The following EXOC4 variants were observed in gnomAD, a reference collection of about 807,000 sequenced individuals.
EXOC4 encodes SEC8-like 1.
Under a neutral mutation model 107.2 loss-of-function variants are expected in EXOC4, and 71 were observed. The ratio of observed to expected loss-of-function variants is 0.66; its 90% confidence interval spans 0.55 to 0.81. The LOEUF is 0.81. Among genes scored for constraint, EXOC4 ranks in the 30% least tolerant of loss-of-function variants. The pLI, the probability that EXOC4 is intolerant of heterozygous loss-of-function variation, is 0.00. For missense variants in EXOC4, 1,108 were observed against 1,189.6 expected, an observed-to-expected ratio of 0.93 and a Z score of 1.01; for synonymous variants, 456 against 441.2, an observed-to-expected ratio of 1.03 and a Z score of -0.42.
intron 14 of EXOC4, among the ~76,000 whole-genome samples, chr7:133,966,166 A>G (rs1457773725): frequency 6.6e-6 from 1 of 152,218 alleles, no homozygotes; most frequent in Non-Finnish European, 1.5e-5. Flanking sequence ...ATTTTTGCAC[A>G]TTGATTTTTG....
intron 1 of EXOC4, among the ~76,000 whole-genome samples, chr7:133,273,286 A>G (rs1268183062): frequency 6.6e-6 from 1 of 152,192 alleles, no homozygotes; most frequent in Non-Finnish European, 1.5e-5. Context: ...TTTGAAGCCC[A>G]GTTTCGTTTA....
intron 1 of EXOC4, 61 bp downstream of exon 1, chr7:133,253,248 A>G: frequency 2.5e-6 from 4 of 1,579,612 alleles, no homozygotes; most frequent in Non-Finnish European, 3.5e-6. Context: ...TCCGCTTTGG[A>G]AGGGAGAAGG....
At chr7:133,866,925 C>T (rs1326170020) in intron 11 of EXOC4, among the ~76,000 whole-genome samples, 1 of 152,208 alleles carries the variant, frequency 6.6e-6, no homozygotes, top group Non-Finnish European at 1.5e-5. Context: ...CGCATGCCCT[C>T]TCTCCTGAAA....
intron 11 of EXOC4, among the ~76,000 whole-genome samples, chr7:133,874,871 A>G (rs1335054268): frequency 1.3e-5 from 2 of 152,234 alleles, no homozygotes; most frequent in African/African-American, 4.8e-5. Flanking sequence ...AGCAAAAGGA[A>G]TAGTAAAGGT....
intron 5 of EXOC4, among the ~76,000 whole-genome samples, chr7:133,338,790 G>T (rs1355925116): frequency 8.4e-6 from 1 of 118,882 alleles, no homozygotes; most frequent in East Asian, 2.8e-4. Context: ...TTTTGCTCTC[G>T]TTGCCCAGGC....
chr7:133,575,772 A>G (rs1229327854), intron 9 of EXOC4, among the ~76,000 whole-genome samples: 1 of 152,152 alleles, frequency 6.6e-6, no homozygotes, highest in Non-Finnish European at 1.5e-5. Context: ...TGGTTATAAC[A>G]TTTCTCTGAT....
intron 10 of EXOC4, among the ~76,000 whole-genome samples, chr7:133,684,016 T>G (rs1210081271): frequency 6.6e-6 from 1 of 152,180 alleles, no homozygotes. Context: ...CCTATATGAT[T>G]TAGAAAGCTA....
chr7:133,821,885 A>G (rs1797530216), intron 11 of EXOC4, among the ~76,000 whole-genome samples: 1 of 152,218 alleles, frequency 6.6e-6, no homozygotes, highest in Admixed American at 6.5e-5. Flanking sequence ...GAGTGAATGA[A>G]AATGAATGAA....
intron 10 of EXOC4, among the ~76,000 whole-genome samples, chr7:133,759,144 A>ATTTTTTTTTTT (rs34768347): frequency 2.1e-5 from 3 of 140,632 alleles, no homozygotes; most frequent in Non-Finnish European, 1.5e-5. Flanking sequence ...CAACAAAAGA[A>ATTTTTTTTTTT]TTTTTTTTTT....
intron 10 of EXOC4, among the ~76,000 whole-genome samples, chr7:133,659,405 T>A (rs1307461365): frequency 6.6e-6 from 1 of 152,166 alleles, no homozygotes; most frequent in African/African-American, 2.4e-5. Flanking sequence ...AAATATATAC[T>A]AAGGATGCTC....
intron 10 of EXOC4, among the ~76,000 whole-genome samples, chr7:133,661,237 C>T (rs770440232): frequency 6.6e-6 from 1 of 152,018 alleles, no homozygotes; most frequent in Non-Finnish European, 1.5e-5. Flanking sequence ...TGTATATGTG[C>T]CGAGGCTCTG....
intron 10 of EXOC4, among the ~76,000 whole-genome samples, chr7:133,796,561 C>T (rs1796819721): frequency 6.6e-6 from 1 of 152,082 alleles, no homozygotes; most frequent in South Asian, 2.1e-4. Context: ...AGATCGAGAC[C>T]ATCCTGGCCA....
At chr7:133,686,394 A>G (rs889855651) in intron 10 of EXOC4, among the ~76,000 whole-genome samples, 14 of 152,120 alleles carry the variant, frequency 9.2e-5, no homozygotes, top group Non-Finnish European at 2.1e-4. Flanking sequence ...TCTACTGTTA[A>G]TGAAAACCCG....
chr7:133,638,656 TC>T (rs1376707318), intron 10 of EXOC4, among the ~76,000 whole-genome samples: 2 of 152,184 alleles, frequency 1.3e-5, no homozygotes, highest in Non-Finnish European at 2.9e-5. Flanking sequence ...TTTTTCTTTT[TC>T]CTTTTCATGT....
intron 9 of EXOC4, among the ~76,000 whole-genome samples, chr7:133,485,473 C>T (rs913836880): frequency 6.6e-5 from 10 of 152,022 alleles, no homozygotes; most frequent in African/African-American, 1.9e-4. Flanking sequence ...ACTCAGTGCC[C>T]GAGCACAGCT....
chr7:133,590,520 C>A (rs1171192285), intron 9 of EXOC4, among the ~76,000 whole-genome samples: 1 of 152,136 alleles, frequency 6.6e-6, no homozygotes. Context: ...TCTGCCCCAT[C>A]CTGTACCCAT....
intron 9 of EXOC4, among the ~76,000 whole-genome samples, chr7:133,580,343 C>A (rs892922808): frequency 6.6e-6 from 1 of 152,074 alleles, no homozygotes; most frequent in African/African-American, 2.4e-5. Flanking sequence ...GCTTTTAATT[C>A]TTTTGGATAT....
chr7:133,374,916 A>G lies in EXOC4; in HGVS notation c.1096A>G (p.Thr366Ala), dbSNP rs750166788. Residue 366 changes from threonine (T) to alanine (A), a missense_variant, in exon 7 of 18, where the codon ACT (threonine) becomes GCT (alanine). Transcript: ENST00000253861. ...TGTGGTCCTGGGATACCTGCAGGAC[A>G]CTGTAGTGACTCCACTGACTCAGCA... ...HSVVLGYLQD[T>A]VVTPLTQQED... 4 of 1,613,892 alleles carry G rather than the reference A, an allele frequency of 2.5e-6. No individual in the cohort carries two copies. In the South Asian group the frequency reaches 3.3e-5, roughly 13 times the overall value.
intron 11 of EXOC4, among the ~76,000 whole-genome samples, chr7:133,859,423 A>T (rs1438428922): frequency 6.6e-5 from 10 of 152,212 alleles, no homozygotes; most frequent in Admixed American, 6.5e-4. Flanking sequence ...GCTTGAAAGT[A>T]CTGCTGTTTG....
Sources: allele counts gnomAD v4.1 joint callset (sites outside exome capture counted in the v4.1 genomes callset), GRCh38; gene constraint gnomAD v4.1.1; transcripts MANE v1.5; gene names NCBI Gene and HGNC (gene_info 2026-07-23, HGNC 2026-07-21).